FOXRED2: variants seen among roughly 807,000 people sequenced by gnomAD.
The protein encoded by FOXRED2 is FAD-dependent oxidoreductase domain-containing protein 2.
In FOXRED2, 32 loss-of-function variants were observed where a neutral mutation model predicts 52.5. That is an observed-to-expected ratio of 0.61 (90% CI 0.46 to 0.82). The LOEUF is 0.82. Among genes scored for constraint, FOXRED2 ranks in the 40% least tolerant of loss-of-function variants. The pLI, the probability that FOXRED2 is intolerant of heterozygous loss-of-function variation, is 0.00. For synonymous variants in FOXRED2, 405 were observed against 398.1 expected (o/e 1.02, Z -0.21); for missense variants, 848 against 937.5 (o/e 0.90, Z 1.25).
At chr22:36,494,877 T>G (rs560494336) in intron 7 of FOXRED2, among the ~76,000 whole-genome samples, 4 of 151,684 alleles carry the variant, frequency 2.6e-5, no homozygotes, top group Non-Finnish European at 2.9e-5. Context: ...GACCTCGTGA[T>G]CCGCCCGCCT....
chr22:36,504,200 A>G lies in FOXRED2; in HGVS notation c.947T>C (p.Ile316Thr), dbSNP rs777457054. Residue 316 changes from isoleucine to threonine, a missense_variant, in exon 4 of 9, where the codon ATC becomes ACC. Physicochemically the swap from Ile to Thr is moderately conservative, Grantham distance 89. Transcript: ENST00000397224. ...GTCATTGTCGTCCTGGGGGAGGGTG[A>G]TGGAGTCGGCACTCTGGTTGGTGTT... ...EANTNQSADS[I>T]TLPQDDNDNF... 1.2e-5 allele frequency: 19 copies of G among 1,614,200 alleles called. No homozygotes were observed. Among genetic ancestry groups the G allele is most frequent in the Non-Finnish European group, 1.6e-5 (19 of 1,180,034 alleles).
chr22:36,501,476 T>G, intron 4 of FOXRED2, 69 bp from the exon 5 acceptor site: 1 of 1,520,826 alleles, frequency 6.6e-7, no homozygotes, highest in South Asian at 1.2e-5. Context: ...TTAGTTAGTT[T>G]TGAGATGGAG....
At position 36,498,123 on chromosome 22, in the gene FOXRED2, TG is replaced by T; in HGVS notation, c.1249del (p.His417ThrfsTer16). On this transcript the variant is annotated frameshift_variant, in exon 6 of 9. Coordinates refer to ENST00000397224, the MANE Select transcript of FOXRED2 (RefSeq NM_001102371.2). LOFTEE classifies it high-confidence loss of function. ...RAVHRLLEHR[H>X]HSVTWPATEL... ...AGTGGCGGGCCAGGTGACGCTGTGG[TG>T]GCGGTGCTCCAGGAGCCGGTGAACA... is the stretch of plus-strand genomic sequence containing the variant. 6.2e-7 allele frequency: 1 copy of T among 1,612,342 alleles called. No homozygotes were observed. The highest frequency in any genetic ancestry group is 1.1e-5 in the South Asian group (1 of 91,028).
intron 4 of FOXRED2, 131 bp downstream of exon 4, chr22:36,503,967 C>A: frequency 9.8e-7 from 1 of 1,019,770 alleles, no homozygotes. Flanking sequence ...AATCAGGCAG[C>A]ACTCACATCC....
Position 36,506,189 on chromosome 22 carries a change from G to T in FOXRED2, c.234C>A (p.Leu78=), listed in dbSNP as rs1215596844. 2 of 1,614,108 alleles carry T rather than the reference G, an allele frequency of 1.2e-6. No individual in the cohort carries two copies. The highest frequency in any genetic ancestry group is 8.5e-7 in the Non-Finnish European group (1 of 1,180,030). The change falls in exon 2 of 9, where the codon CTC becomes CTA. Residue 78 remains leucine (L), a synonymous_variant. Coordinates refer to ENST00000397224, the MANE Select transcript of FOXRED2 (RefSeq NM_001102371.2). ...CCGTGTACCGCTTGTTGATGCTGAT[G>T]AGCTTGCGGTGCCGCGGGTAGCGTG... ...FFTRYPRHRK[L]ISINKRYTGK...
intron 6 of FOXRED2, 53 bp from the exon 7 acceptor site, chr22:36,496,261 G>A (rs1246710128): frequency 6.2e-7 from 1 of 1,606,820 alleles, no homozygotes; most frequent in Admixed American, 1.7e-5. Context: ...AGAGGTGAGG[G>A]GTGCAGCCCG....
At chr22:36,504,851 CACCT>C in intron 2 of FOXRED2, 85 bp from the exon 3 acceptor site, 1 of 1,460,372 alleles carries the variant, frequency 6.8e-7, no homozygotes, top group Non-Finnish European at 9.3e-7. Context: ...CCCACCCACC[CACCT>C]GCCTGGCTCC....
chr22:36,494,753 C>CTGGGAGTAGTTCAAGT (rs1373893254), intron 7 of FOXRED2, among the ~76,000 whole-genome samples: 1 of 151,924 alleles, frequency 6.6e-6, no homozygotes, highest in Non-Finnish European at 1.5e-5. Context: ...GATTCTCCTG[C>CTGGGAGTAGTTCAAGT]CTCAGCCTCC....
At position 36,493,633 on chromosome 22, in the gene FOXRED2, C is replaced by T. The variant is rs775095903; in HGVS notation, c.1795G>A (p.Glu599Lys). The change falls in exon 8 of 9, where the codon GAG becomes AAG. Residue 599 changes from glutamate (E) to lysine (K), a missense_variant and splice_region_variant. Transcript: ENST00000397224. ...TTGTCTTTCTGGGAGCTTAAGTTAC[C>T]TGCATAGAAGCTTCGCAAATCGGTG... ...LDTDLRSFYA[E>K]SCFLFALTRQ... The T allele has an allele frequency of 6.2e-7, 1 of 1,613,382 alleles. No homozygotes were observed. Among genetic ancestry groups the T allele is most frequent in the Non-Finnish European group, 8.5e-7 (1 of 1,179,562 alleles).
At chr22:36,506,587 G>C in intron 1 of FOXRED2, 164 bp from the exon 2 acceptor site, 4 of 637,468 alleles carry the variant, frequency 6.3e-6, no homozygotes, top group South Asian at 3.1e-5. Flanking sequence ...ACCGTTTCAA[G>C]CTGGGACTTG....
chr22:36,504,558 G>A lies in FOXRED2; in HGVS notation c.736C>T (p.Arg246Trp), dbSNP rs766063924. 35 of 1,614,050 alleles carry A rather than the reference G, an allele frequency of 2.2e-5. No individual in the cohort carries two copies. The highest frequency in any genetic ancestry group is 3.3e-5 in the South Asian group (3 of 91,086). ...TGGGTGGCCCAGGACAGACGGACCCGGGAGCGGCTGAGCATATGGATAAAG... is the reference window on the plus strand; with the variant it reads ...TGGGTGGCCCAGGACAGACGGACCCAGGAGCGGCTGAGCATATGGATAAAG... The part of the protein sequence containing the change: ...TNFIHMLSRS[R>W]VRLSWATHYV... Residue 246 changes from arginine to tryptophan, a missense_variant, in exon 3 of 9, where the codon CGG (arginine) becomes TGG (tryptophan). Coordinates refer to ENST00000397224, the MANE Select transcript of FOXRED2 (RefSeq NM_001102371.2).
In FOXRED2 at chr22:36,489,863, G is replaced by T; in HGVS notation, c.*145C>A. 1 of 782,968 alleles carries T rather than the reference G, an allele frequency of 1.3e-6. No individual in the cohort carries two copies. The highest frequency in any genetic ancestry group is 1.9e-6 in the Non-Finnish European group (1 of 533,938). 48.5% of individuals were successfully genotyped at this position (782,968 alleles called of 1,614,324 possible). ...TTTCAGCCCTCACGTGCCATCTGGT[G>T]GCTTTGCTGCAGACACTGCCATGAT... is the stretch of plus-strand genomic sequence containing the variant. On this transcript the variant is annotated 3_prime_UTR_variant, in exon 9 of 9. Coordinates refer to ENST00000397224, the MANE Select transcript of FOXRED2 (RefSeq NM_001102371.2).
intron 8 of FOXRED2, among the ~76,000 whole-genome samples, chr22:36,491,260 C>T (rs1025657164): frequency 2.0e-5 from 3 of 152,134 alleles, no homozygotes; most frequent in Admixed American, 1.3e-4. Flanking sequence ...GGGAGTTCCT[C>T]GTGGGAATGA....
chr22:36,498,276 C>T lies in FOXRED2; in HGVS notation c.1217-120G>A, dbSNP rs1054827013. The T allele has an allele frequency of 8.6e-6, 10 of 1,165,840 alleles. No homozygotes were observed. In the African/African-American group the frequency reaches 9.2e-5, roughly 11 times the overall value. 72.2% of individuals were successfully genotyped at this position (1,165,840 alleles called of 1,614,324 possible). A position where few individuals can be genotyped will look rare whatever the true frequency, so the allele number is the denominator to read the frequency against. ...GCCATACACACTGGTCTCCATGGCCCAGCGCAAACGCCTAGGTGGTGAACA... is the reference window on the plus strand; with the variant it reads ...GCCATACACACTGGTCTCCATGGCCTAGCGCAAACGCCTAGGTGGTGAACA... On this transcript the variant is annotated intron_variant, in intron 5 of 8. Coordinates refer to ENST00000397224, the MANE Select transcript of FOXRED2 (RefSeq NM_001102371.2).
intron 3 of FOXRED2, 43 bp downstream of exon 3, chr22:36,504,472 C>T (rs748846479): frequency 6.2e-7 from 1 of 1,610,988 alleles, no homozygotes; most frequent in Admixed American, 1.7e-5. Context: ...TTTCCACACT[C>T]TGGGCTCCCA....
Position 36,493,662 on chromosome 22 carries a change from A to T in FOXRED2, c.1766T>A (p.Leu589Ter). ...LPLRRFLENC[L>*]DTDLRSFYAE... The stretch of plus-strand genomic sequence containing the variant: ...ATAGAAGCTTCGCAAATCGGTGTCC[A>T]AACAGTTCTCCAGGAAGCGCCTCAG... The change falls in exon 8 of 9, where the codon TTG becomes TAG. Residue 589 changes from leucine to a stop codon, truncating the protein, a stop_gained. Coordinates refer to ENST00000397224, the MANE Select transcript of FOXRED2 (RefSeq NM_001102371.2). LOFTEE classifies it low-confidence loss of function (END_TRUNC). 1 of 1,614,198 alleles carries T rather than the reference A, an allele frequency of 6.2e-7. No homozygotes were observed. The highest frequency in any genetic ancestry group is 8.5e-7 in the Non-Finnish European group (1 of 1,180,022).
chr22:36,506,711 G>A (rs563175018), intron 1 of FOXRED2: 2 of 382,206 alleles, frequency 5.2e-6, no homozygotes, highest in South Asian at 8.8e-5. Context: ...GAAGGAGAGC[G>A]TACTCCCCAA....
chr22:36,501,579 GC>G (rs1934051116), intron 4 of FOXRED2, among the ~76,000 whole-genome samples, 172 bp from the exon 5 acceptor site: 1 of 152,118 alleles, frequency 6.6e-6, no homozygotes, highest in Non-Finnish European at 1.5e-5. Context: ...TCCTGCCTGA[GC>G]CTCCCGAGTA....
rs533208001 is a variant in FOXRED2, at chr22:36,504,446, A to G, written c.779+69T>C. On this transcript the variant is annotated intron_variant, in intron 3 of 8. Coordinates refer to ENST00000397224, the MANE Select transcript of FOXRED2 (RefSeq NM_001102371.2). The stretch of plus-strand genomic sequence containing the variant: ...CAGCTGGGGTCAGGAAGGGCAGGGG[A>G]GGGTTGGGGAGGCTCTTTCCACACT... 4.3e-5 allele frequency: 68 copies of G among 1,579,814 alleles called. No individual in the cohort carries two copies. The African/African-American group carries it at 8.7e-4, about 20-fold the overall frequency.
Sources: allele counts gnomAD v4.1 joint callset (sites outside exome capture counted in the v4.1 genomes callset), GRCh38; gene constraint gnomAD v4.1.1; transcripts MANE v1.5; gene names NCBI Gene and HGNC (gene_info 2026-07-23, HGNC 2026-07-21).